SFMBT2: variants seen among roughly 807,000 people sequenced by gnomAD.
SFMBT2 encodes the protein Scm like with four mbt domains 2, also known as scm-like with four MBT domains protein 2.
In SFMBT2, 38 loss-of-function variants were observed where a neutral mutation model predicts 110.1. The observed-to-expected ratio is 0.35, with a 90% CI of 0.27 to 0.45. The LOEUF (loss-of-function observed/expected upper bound fraction) is 0.45. Ranked by LOEUF, SFMBT2 falls within the 20% of genes least tolerant of loss-of-function variation. SFMBT2 has a pLI of 1.00. For synonymous variants in SFMBT2, 425 were observed against 425.4 expected (o/e 1.00, Z 0.01); for missense variants, 1,011 against 1,094.9 (o/e 0.92, Z 1.08).
intron 4 of SFMBT2, among the ~76,000 whole-genome samples, chr10:7,352,858 A>C (rs888454138): frequency 6.6e-6 from 1 of 152,194 alleles, no homozygotes; most frequent in African/African-American, 2.4e-5. Context: ...AAAAATACTA[A>C]AAATTAGCCA....
chr10:7,311,992 C>T (rs192383343), intron 4 of SFMBT2, among the ~76,000 whole-genome samples: 1 of 152,264 alleles, frequency 6.6e-6, no homozygotes, highest in Admixed American at 6.5e-5. Flanking sequence ...AAACCAAACA[C>T]CGCATGTTCT....
chr10:7,228,349 A>G (rs1839960494), intron 9 of SFMBT2: 2 of 815,528 alleles, frequency 2.5e-6, no homozygotes, highest in Non-Finnish European at 2.9e-6. Context: ...TATGGAAAAC[A>G]TGAGATTTTA....
intron 4 of SFMBT2, among the ~76,000 whole-genome samples, chr10:7,356,889 G>A (rs976472141): frequency 6.6e-6 from 1 of 152,142 alleles, no homozygotes; most frequent in Non-Finnish European, 1.5e-5. Context: ...AGCAGGCAGT[G>A]AGCCTAAAAA....
At chr10:7,204,768 G>A (rs1839071196) in intron 12 of SFMBT2, 1 of 208,110 alleles carries the variant, frequency 4.8e-6, no homozygotes, top group Non-Finnish European at 8.4e-6. Flanking sequence ...AGCTACTCAG[G>A]AGGCTGAGGC....
chr10:7,347,789 T>C (rs1564451769), intron 4 of SFMBT2, among the ~76,000 whole-genome samples: 2 of 152,198 alleles, frequency 1.3e-5, no homozygotes, highest in Non-Finnish European at 2.9e-5. Context: ...ATTATGGTAA[T>C]AGAATTTTTA....
At chr10:7,236,638 A>G (rs1254037791) in intron 9 of SFMBT2, among the ~76,000 whole-genome samples, 1 of 152,234 alleles carries the variant, frequency 6.6e-6, no homozygotes, top group African/African-American at 2.4e-5. Flanking sequence ...CCTCATGCCA[A>G]TACAAAAATC....
chr10:7,202,286 C>A, intron 13 of SFMBT2, 194 bp downstream of exon 13: 1 of 283,504 alleles, frequency 3.5e-6, no homozygotes, highest in Non-Finnish European at 5.3e-6. Context: ...ATTGCGAGTG[C>A]CTTGGGGAGC....
At chr10:7,320,358 A>T (rs976023051) in intron 4 of SFMBT2, among the ~76,000 whole-genome samples, 3 of 152,192 alleles carry the variant, frequency 2.0e-5, no homozygotes, top group African/African-American at 7.2e-5. Flanking sequence ...CCGCGGTATA[A>T]ATGAAACAAG....
intron 4 of SFMBT2, chr10:7,320,609 G>C (rs1843156828): frequency 2.0e-6 from 2 of 985,226 alleles, no homozygotes; most frequent in Non-Finnish European, 2.4e-6. Flanking sequence ...CCAATATATG[G>C]AATTCCTTTT....
chr10:7,396,337 A>G (rs1204220658), intron 1 of SFMBT2, among the ~76,000 whole-genome samples: 1 of 152,128 alleles, frequency 6.6e-6, no homozygotes, highest in East Asian at 1.9e-4. Context: ...CAGGGAGGAA[A>G]CCCCAACGTT....
chr10:7,391,464 T>A (rs11592030), intron 1 of SFMBT2, among the ~76,000 whole-genome samples: 3,304 of 124,322 alleles, frequency 0.027, 50 homozygotes, highest in Middle Eastern at 0.055. Flanking sequence ...AGACTCTGTC[T>A]CAAAAAAAAA....
intron 4 of SFMBT2, among the ~76,000 whole-genome samples, chr10:7,353,542 A>G (rs1294730540): frequency 6.6e-6 from 1 of 151,922 alleles, no homozygotes; most frequent in Non-Finnish European, 1.5e-5. Flanking sequence ...GCTATGGTTG[A>G]GTACCATTTG....
chr10:7,204,163 G>A, intron 12 of SFMBT2: 1 of 231,686 alleles, frequency 4.3e-6, no homozygotes, highest in East Asian at 1.8e-4. Flanking sequence ...GATGGTTTAG[G>A]AAAAGGAGAA....
rs534501790 is a variant in SFMBT2 at position 7,210,040 on chromosome 10, C to T, written c.1331-4112G>A. ...CGTTTCTAAGAGAACAAAGACTTTC[C>T]GTACTCACAATCTAAATTCATAACA... On this transcript the variant is annotated intron_variant, in intron 11 of 20. Transcript: ENST00000397167. Among the ~76,000 whole-genome samples the T allele has an allele frequency of 1.1e-4, 16 of 152,334 alleles. No individual in the cohort carries two copies. In the East Asian group the frequency reaches 1.2e-3, roughly 11 times the overall value.
At chr10:7,366,339 C>A (rs1480337850) in intron 4 of SFMBT2, among the ~76,000 whole-genome samples, 1 of 151,674 alleles carries the variant, frequency 6.6e-6, no homozygotes, top group South Asian at 2.1e-4. Context: ...ATTTTATGAC[C>A]CCCTTCTTAG....
intron 20 of SFMBT2, among the ~76,000 whole-genome samples, chr10:7,164,746 A>AACACACAC (rs58744416): frequency 5.1e-5 from 7 of 137,840 alleles, no homozygotes; most frequent in Admixed American, 2.2e-4. Context: ...CATAAAGGGA[A>AACACACAC]ACACACACAC....
chr10:7,369,715 A>G (rs1845010455), intron 3 of SFMBT2, among the ~76,000 whole-genome samples: 1 of 152,214 alleles, frequency 6.6e-6, no homozygotes, highest in African/African-American at 2.4e-5. Flanking sequence ...TACTAAGAAT[A>G]CATTACACCT....
rs138253038 is a variant in SFMBT2, at chr10:7,317,901, C to T, written c.437-31947G>A. Among the ~76,000 whole-genome samples the T allele has an allele frequency of 3.0e-3, 453 of 152,252 alleles. 1 individual carries two copies. Among genetic ancestry groups the T allele is most frequent in the Admixed American group, 6.4e-3 (98 of 15,304 alleles). On this transcript the variant is annotated intron_variant, in intron 4 of 20. Transcript: ENST00000397167. ...TCTGGATGAAAAAGATATTTGACTT[C>T]GTTATAAATTCCAAAAAATCAGCAA...
intron 4 of SFMBT2, among the ~76,000 whole-genome samples, chr10:7,348,673 T>TCATTCTATCTTCTGTTGGATGTA (rs1844198696): frequency 6.6e-6 from 1 of 152,232 alleles, no homozygotes; most frequent in Non-Finnish European, 1.5e-5. Flanking sequence ...TGTTGTATAA[T>TCATTCTATCTTCTGTTGGATGTA]CATTCTATCT....
Sources: gnomAD v4.1 joint callset for allele counts (sites outside exome capture counted in the v4.1 genomes callset) on GRCh38, gnomAD v4.1.1 for gene constraint, MANE v1.5 for transcripts, NCBI Gene and HGNC (gene_info 2026-07-23, HGNC 2026-07-21) for gene names.